Variants in SNTG1 observed in about 807,000 individuals in gnomAD.
SNTG1 encodes syntrophin gamma 1, also known as gamma-1-syntrophin.
In SNTG1, 39 loss-of-function variants were observed where a neutral mutation model predicts 74.7. The ratio of observed to expected loss-of-function variants is 0.52; its 90% CI spans 0.40 to 0.68. SNTG1 has a LOEUF of 0.68. Ranked by LOEUF, SNTG1 falls within the 30% of genes least tolerant of loss-of-function variation. SNTG1 has a pLI of 0.00. For missense variants in SNTG1, 685 were observed against 609.5 expected, an observed-to-expected ratio of 1.12 and a Z score of -1.30; for synonymous variants, 254 against 217.1, an observed-to-expected ratio of 1.17 and a Z score of -1.49.
At chr8:50,394,165 A>T in intron 2 of SNTG1, 47 bp from the exon 3 acceptor site, 1 of 1,481,614 alleles carries the variant, frequency 6.7e-7, no homozygotes, top group Non-Finnish European at 9.3e-7. Context: ...GTTCTCTCTT[A>T]CATGCCATGC....
chr8:50,477,672 C>T (rs2093707503), intron 8 of SNTG1, among the ~76,000 whole-genome samples: 1 of 152,110 alleles, frequency 6.6e-6, no homozygotes, highest in Non-Finnish European at 1.5e-5. Context: ...GATACTGACT[C>T]ATTAACTGTG....
rs2082969551 is a variant in SNTG1, at chr8:50,175,608, A to T, written c.-28+2973A>T. Among the ~76,000 whole-genome samples the T allele has an allele frequency of 2.6e-5, 4 of 152,178 alleles. No homozygotes were observed. The South Asian group carries it at 8.3e-4, about 31-fold the overall frequency. ...CAGGGGCTGCTCTGCATGCTTTCACACTACCATTGTGCAAAGGTTTCAAAG... is the reference window on the plus strand; with the variant it reads ...CAGGGGCTGCTCTGCATGCTTTCACTCTACCATTGTGCAAAGGTTTCAAAG... On this transcript the variant is annotated intron_variant, in intron 2 of 18. Transcript: ENST00000642720.
At chr8:50,139,267 G>A (rs1379690359) in intron 1 of SNTG1, among the ~76,000 whole-genome samples, 2 of 152,164 alleles carry the variant, frequency 1.3e-5, no homozygotes, top group African/African-American at 4.8e-5. Context: ...TGTACTGAAT[G>A]TACACATCAC....
chr8:50,517,617 A>AG (rs2094144945), intron 9 of SNTG1, among the ~76,000 whole-genome samples: 1 of 54,482 alleles, frequency 1.8e-5, no homozygotes, highest in Non-Finnish European at 3.0e-5. Context: ...AATGGAAAGC[A>AG]AAAAAAAAAA....
chr8:50,049,536 A>T (rs1417841864), intron 1 of SNTG1, among the ~76,000 whole-genome samples: 3 of 152,134 alleles, frequency 2.0e-5, no homozygotes, highest in Non-Finnish European at 4.4e-5. Context: ...TGGATGAATT[A>T]ACCATTATAT....
Position 50,670,580 on chromosome 8 carries a change from G to A in SNTG1, c.1038+11917G>A, listed in dbSNP as rs549988674. 3.5e-4 allele frequency among the ~76,000 whole-genome samples: 52 copies of A among 147,596 alleles called. 2 individuals carry two copies. The South Asian group carries it at 0.011, about 32-fold the overall frequency. On this transcript the variant is annotated intron_variant, in intron 15 of 18. Transcript: ENST00000642720. ...ATGGAAGAACATTCCATGCTCATGG[G>A]TAGGAAGAATCAATATCATGAAAAT...
intron 2 of SNTG1, among the ~76,000 whole-genome samples, chr8:50,204,294 T>A (rs893422302): frequency 2.0e-5 from 3 of 151,920 alleles, no homozygotes; most frequent in Non-Finnish European, 4.4e-5. Context: ...AGTACATATC[T>A]TTTTTTTGTC....
At chr8:50,381,558 A>ATGTATG (rs1554509364) in intron 2 of SNTG1, among the ~76,000 whole-genome samples, 2 of 108,598 alleles carry the variant, frequency 1.8e-5, no homozygotes, top group African/African-American at 6.5e-5. Flanking sequence ...CTAATAGGAT[A>ATGTATG]TGTGTGTGTG....
At chr8:50,722,207 C>A (rs2095489456) in intron 17 of SNTG1, among the ~76,000 whole-genome samples, 1 of 145,696 alleles carries the variant, frequency 6.9e-6, no homozygotes, top group Non-Finnish European at 1.5e-5. Context: ...TGCAGTCTTG[C>A]TCTGTCACCC....
chr8:50,792,971 G>A lies in SNTG1; in HGVS notation c.*142G>A. On this transcript the variant is annotated 3_prime_UTR_variant, in exon 19 of 19. Transcript: ENST00000642720. ...AATTTCGGCAGAAAAAGAAGGTCATGTGGAACCTCAAAAACACTTCTATTC... is the reference window on the plus strand; with the variant it reads ...AATTTCGGCAGAAAAAGAAGGTCATATGGAACCTCAAAAACACTTCTATTC... 8 of 834,268 alleles carry A rather than the reference G, an allele frequency of 9.6e-6. No homozygotes were observed. Among genetic ancestry groups the A allele is most frequent in the Non-Finnish European group, 1.4e-5 (8 of 568,346 alleles). The allele number at this position is 834,268 out of a possible 1,614,324, so 51.7% of individuals were successfully genotyped here.
At chr8:50,089,885 G>A (rs1486247111) in intron 1 of SNTG1, among the ~76,000 whole-genome samples, 2 of 152,142 alleles carry the variant, frequency 1.3e-5, no homozygotes, top group Non-Finnish European at 2.9e-5. Context: ...AATACCATTT[G>A]ACCCAGCCAT....
At chr8:50,371,598 C>T (rs1208728122) in intron 2 of SNTG1, among the ~76,000 whole-genome samples, 3 of 152,174 alleles carry the variant, frequency 2.0e-5, no homozygotes, top group Non-Finnish European at 4.4e-5. Flanking sequence ...GATTCTCTGT[C>T]TCACTGACCT....
chr8:50,221,201 TA>T (rs2085045896), intron 2 of SNTG1, among the ~76,000 whole-genome samples: 1 of 152,036 alleles, frequency 6.6e-6, no homozygotes, highest in South Asian at 2.1e-4. Context: ...ATGTACACAA[TA>T]TGGTAATATA....
intron 1 of SNTG1, among the ~76,000 whole-genome samples, chr8:50,065,983 G>A (rs146138681): frequency 2.0e-3 from 297 of 152,200 alleles, no homozygotes; most frequent in African/African-American, 6.7e-3. Context: ...TTGGGAGGCC[G>A]AGGCAGGCGG....
At chr8:50,513,716 T>A (rs2929420) in intron 9 of SNTG1, among the ~76,000 whole-genome samples, 3,841 of 152,198 alleles carry the variant, frequency 0.025, 154 homozygotes, top group African/African-American at 0.087. Flanking sequence ...CTCCAAGCCA[T>A]GCGCAGGATA....
intron 1 of SNTG1, among the ~76,000 whole-genome samples, chr8:49,948,623 A>C (rs1444341906): frequency 1.3e-5 from 2 of 152,160 alleles, no homozygotes; most frequent in Non-Finnish European, 2.9e-5. Flanking sequence ...GTTGTACTCG[A>C]ATCTTCTTAA....
chr8:50,597,589 A>G (rs1585799890), intron 13 of SNTG1, among the ~76,000 whole-genome samples: 1 of 151,866 alleles, frequency 6.6e-6, no homozygotes, highest in Non-Finnish European at 1.5e-5. Flanking sequence ...GGATTGCTGG[A>G]TCATGTGGTA....
intron 1 of SNTG1, among the ~76,000 whole-genome samples, chr8:50,115,055 A>G (rs551978717): frequency 1.3e-5 from 2 of 152,284 alleles, no homozygotes; most frequent in Non-Finnish European, 1.5e-5. Flanking sequence ...TAGATTTGCC[A>G]TGAAAAATGA....
intron 17 of SNTG1, among the ~76,000 whole-genome samples, chr8:50,743,870 T>C (rs2095549263): frequency 6.6e-6 from 1 of 151,968 alleles, no homozygotes; most frequent in Non-Finnish European, 1.5e-5. Flanking sequence ...AGCACGGTGC[T>C]GGCATCTGAT....
Sources: allele counts gnomAD v4.1 joint callset (sites outside exome capture counted in the v4.1 genomes callset), GRCh38; gene constraint gnomAD v4.1.1; transcripts MANE v1.5; gene names NCBI Gene and HGNC (gene_info 2026-07-23, HGNC 2026-07-21).